The following NFASC variants were observed in gnomAD, a reference collection of about 807,000 sequenced individuals.
NFASC encodes the protein neurofascin homolog.
A neutral mutation model predicts 147.5 loss-of-function variants in NFASC; 43 were observed. The observed-to-expected ratio is 0.29, with a 90% CI of 0.23 to 0.38. The LOEUF (loss-of-function observed/expected upper bound fraction) is 0.38, where lower values mean the gene tolerates loss of function less well. Ranked by LOEUF, NFASC falls within the 10% of genes least tolerant of loss-of-function variation. The pLI, the probability that NFASC is intolerant of heterozygous loss-of-function variation, is 1.00. For synonymous variants in NFASC, 622 were observed against 665.5 expected (o/e 0.93, Z 1.01); for missense variants, 1,320 against 1,689.0 (o/e 0.78, Z 3.83).
intron 1 of NFASC, among the ~76,000 whole-genome samples, chr1:204,853,105 A>T (rs746940598): frequency 3.3e-5 from 5 of 151,776 alleles, no homozygotes; most frequent in Admixed American, 3.3e-4. Context: ...TAAACCCCAG[A>T]TAATCTACAA....
rs1324374338 is a variant in NFASC at position 204,920,674 on chromosome 1, T to G, written c.-157T>G. ...CAATTTGGGACGCTGGAGTTTACCT[T>G]CCCTCCGCAGCCTGGAACAGAGCCT... On this transcript the variant is annotated 5_prime_UTR_variant, in exon 2 of 30. Transcript: ENST00000339876. The G allele has an allele frequency of 8.5e-6, 11 of 1,289,500 alleles. No homozygotes were observed. The Admixed American group carries it at 2.5e-4, about 30-fold the overall frequency. The allele number at this position is 1,289,500 out of a possible 1,614,324, so 79.9% of individuals were successfully genotyped here. A position where few individuals can be genotyped will look rare whatever the true frequency, so the allele number is the denominator to read the frequency against.
At chr1:204,905,072 G>T (rs182034614) in intron 1 of NFASC, among the ~76,000 whole-genome samples, 146 of 152,112 alleles carry the variant, frequency 9.6e-4, no homozygotes, top group Admixed American at 3.0e-3. Context: ...GTTATCTTTT[G>T]ATTTTATTTT....
chr1:204,893,374 G>A (rs902881136), intron 1 of NFASC, among the ~76,000 whole-genome samples: 1 of 152,220 alleles, frequency 6.6e-6, no homozygotes, highest in African/African-American at 2.4e-5. Flanking sequence ...AGTCATTATT[G>A]AGCAGGAGGT....
rs191448008 is a variant in NFASC, at chr1:204,906,453, G to T, written c.-199-14179G>T. Reference sequence around the variant, plus strand: ...ATTTTCTAGAATGTCGTATAAATGAGATCCTACAGTATTGAGACTGGCTTC... The same window carrying T: ...ATTTTCTAGAATGTCGTATAAATGATATCCTACAGTATTGAGACTGGCTTC... On this transcript the variant is annotated intron_variant, in intron 1 of 29. Transcript: ENST00000339876. Among the ~76,000 whole-genome samples, 12 of 152,242 alleles carry T rather than the reference G, an allele frequency of 7.9e-5. 1 individual carries two copies. In the East Asian group the frequency reaches 2.1e-3, roughly 27 times the overall value.
At chr1:204,867,319 A>G (rs562772707) in intron 1 of NFASC, among the ~76,000 whole-genome samples, 49 of 152,070 alleles carry the variant, frequency 3.2e-4, no homozygotes, top group Non-Finnish European at 5.3e-4. Context: ...ATATGTGCCC[A>G]CAAACACACA....
chr1:204,984,824 G>A (rs1235577450), intron 21 of NFASC, among the ~76,000 whole-genome samples: 2 of 152,114 alleles, frequency 1.3e-5, no homozygotes, highest in East Asian at 1.9e-4. Flanking sequence ...AGCACCCAGG[G>A]TATACACGGC....
In NFASC at chr1:205,019,693, G is replaced by T. The variant is rs2096387129; in HGVS notation, c.*3154G>T. 6.6e-6 allele frequency: 1 copy of T among 152,228 alleles called. No homozygotes were observed. The highest frequency in any genetic ancestry group is 1.5e-5 in the Non-Finnish European group (1 of 68,076). The allele number at this position is 152,228 out of a possible 1,614,324, so 9.4% of individuals were successfully genotyped here. A position where few individuals can be genotyped will look rare whatever the true frequency, so the allele number is the denominator to read the frequency against. ...TGATGGCTGCGAGCTTGAAGAGAGGGATTCTGAGGGAGAGCTTGGTCCATC... is the reference window on the plus strand; with the variant it reads ...TGATGGCTGCGAGCTTGAAGAGAGGTATTCTGAGGGAGAGCTTGGTCCATC... On this transcript the variant is annotated 3_prime_UTR_variant, in exon 30 of 30. Coordinates refer to ENST00000339876, the MANE Select transcript of NFASC (RefSeq NM_001005388.3).
intron 8 of NFASC, 109 bp downstream of exon 8, chr1:204,957,935 A>C (rs1286305600): frequency 4.0e-6 from 4 of 1,006,662 alleles, no homozygotes; most frequent in Non-Finnish European, 6.0e-6. Flanking sequence ...CTTGAGGCTG[A>C]CCTAGAAATC....
intron 12 of NFASC, among the ~76,000 whole-genome samples, chr1:204,973,693 C>G (rs918168793): frequency 4.6e-5 from 7 of 152,130 alleles, no homozygotes; most frequent in African/African-American, 1.7e-4. Flanking sequence ...GATGAGCAGA[C>G]AGTTAATTCC....
intron 20 of NFASC, 51 bp downstream of exon 20, chr1:204,980,491 C>T (rs777122860): frequency 4.8e-5 from 66 of 1,382,104 alleles, no homozygotes; most frequent in East Asian, 3.2e-4. Flanking sequence ...CCGCATGCAC[C>T]GGGAGCCCCT....
chr1:204,877,981 G>A (rs1301977406), intron 1 of NFASC, among the ~76,000 whole-genome samples: 2 of 152,174 alleles, frequency 1.3e-5, no homozygotes, highest in African/African-American at 2.4e-5. Flanking sequence ...CCGGACCCAG[G>A]CTTCCCAGGC....
At chr1:204,880,687 G>T (rs138191409) in intron 1 of NFASC, among the ~76,000 whole-genome samples, 5 of 152,248 alleles carry the variant, frequency 3.3e-5, no homozygotes, top group Non-Finnish European at 7.4e-5. Flanking sequence ...GGTTTCATCT[G>T]GTTCAGAGGT....
chr1:204,837,415 A>G (rs1674080863), intron 1 of NFASC, among the ~76,000 whole-genome samples: 1 of 152,214 alleles, frequency 6.6e-6, no homozygotes. Flanking sequence ...CAGCAGTGGA[A>G]GAAGCGGTCT....
In NFASC at chr1:204,975,105, G is replaced by A. The variant is rs1445069784; in HGVS notation, c.1559-166G>A. Among the ~76,000 whole-genome samples the A allele has an allele frequency of 1.3e-5, 2 of 152,152 alleles. No individual in the cohort carries two copies. The highest frequency in any genetic ancestry group is 4.8e-5 in the African/African-American group (2 of 41,436). On this transcript the variant is annotated intron_variant, in intron 14 of 29. Coordinates refer to ENST00000339876, the MANE Select transcript of NFASC (RefSeq NM_001005388.3). This position sits in a 1 kb window ranked among gnomAD's most constrained non-coding sequence, Gnocchi z 4.0. ...GGATTTGGGGCATTATCTGCTTTGG[G>A]GATTACCCACCCAGAACTCTGCTCC...
chr1:204,994,592 G>A (rs1332878337), intron 24 of NFASC, among the ~76,000 whole-genome samples: 1 of 152,232 alleles, frequency 6.6e-6, no homozygotes, highest in Non-Finnish European at 1.5e-5. Context: ...TGTAGGAAGG[G>A]AGGCCCAGGC....
chr1:204,923,357 C>T (rs1204357480), intron 2 of NFASC, among the ~76,000 whole-genome samples: 1 of 152,096 alleles, frequency 6.6e-6, no homozygotes, highest in East Asian at 1.9e-4. Flanking sequence ...GCATGCAGCA[C>T]CCTCCAAGCT....
At chr1:204,877,388 T>G (rs187531841) in intron 1 of NFASC, among the ~76,000 whole-genome samples, 122 of 152,120 alleles carry the variant, frequency 8.0e-4, no homozygotes, top group Admixed American at 1.4e-3. Context: ...GGTCTCCTGT[T>G]GGGAAGCCGT....
chr1:204,968,162 C>A lies in NFASC; in HGVS notation c.707-87C>A. 1 of 956,072 alleles carries A rather than the reference C, an allele frequency of 1.0e-6. No homozygotes were observed. The highest frequency in any genetic ancestry group is 1.4e-5 in the South Asian group (1 of 73,084). 59.2% of individuals were successfully genotyped at this position (956,072 alleles called of 1,614,324 possible). On this transcript the variant is annotated intron_variant, in intron 8 of 29. Transcript: ENST00000339876. The surrounding 1 kb of genome is among the most constrained non-coding windows in gnomAD (Gnocchi z 5.4). ...GGAGGATCCGGCAGGGGCGGTGATG[C>A]CACTTCTCTCTAGCCTGACAGCGTT...
chr1:204,849,310 A>G (rs2102643917), intron 1 of NFASC, among the ~76,000 whole-genome samples: 1 of 152,356 alleles, frequency 6.6e-6, no homozygotes, highest in South Asian at 2.1e-4. Flanking sequence ...TACCATCACC[A>G]TCAAGGTCAC....
Sources: gnomAD v4.1 joint callset for allele counts (sites outside exome capture counted in the v4.1 genomes callset) on GRCh38, gnomAD v4.1.1 for gene constraint, Gnocchi (gnomAD v3.1) non-coding constraint, MANE v1.5 for transcripts, NCBI Gene and HGNC (gene_info 2026-07-23, HGNC 2026-07-21) for gene names.